The following BLOC1S5 variants were observed in gnomAD, a reference collection of about 807,000 sequenced individuals.
The protein encoded by BLOC1S5 is biogenesis of lysosome-related organelles complex 1 subunit 5.
In BLOC1S5, 27 loss-of-function variants were observed where a neutral mutation model predicts 24.3. The ratio of observed to expected loss-of-function variants is 1.11; its 90% CI spans 0.82 to 1.53. The LOEUF (loss-of-function observed/expected upper bound fraction) is 1.53. Ranked by LOEUF, BLOC1S5 falls within the 40% of genes most tolerant of loss-of-function variation. The pLI is 0.00. For synonymous variants in BLOC1S5, 84 were observed against 74.5 expected (o/e 1.13, Z -0.66); for missense variants, 239 against 229.4 (o/e 1.04, Z -0.27).
chr6:8,027,566 G>A lies in BLOC1S5; in HGVS notation c.326-1141C>T, dbSNP rs138978548. 3.1e-3 allele frequency among the ~76,000 whole-genome samples: 469 copies of A among 152,320 alleles called. 3 individuals are homozygous for A. The highest frequency in any genetic ancestry group is 9.6e-3 in the African/African-American group (401 of 41,578). ...ATAAGCAGTCAGGCCGGGCACGGTG[G>A]CTCACGCCTGTAATCCCAGCACTCT... On this transcript the variant is annotated intron_variant, in intron 3 of 4. Coordinates refer to ENST00000397457, the MANE Select transcript of BLOC1S5 (RefSeq NM_201280.3).
chr6:8,024,812 C>A (rs1254606599), intron 4 of BLOC1S5, among the ~76,000 whole-genome samples: 1 of 152,148 alleles, frequency 6.6e-6, no homozygotes, highest in Non-Finnish European at 1.5e-5. Flanking sequence ...TTTTATAATG[C>A]AATTTACCCA....
intron 2 of BLOC1S5, among the ~76,000 whole-genome samples, chr6:8,041,655 C>CTTTTTTTTTTTTTTTTTT (rs1554139177): frequency 8.9e-6 from 1 of 111,868 alleles, no homozygotes; most frequent in African/African-American, 3.2e-5. Flanking sequence ...TTCTTTCTTT[C>CTTTTTTTTTTTTTTTTTT]TTTTTTTTTG....
Position 8,063,022 on chromosome 6 carries a change from T to C in BLOC1S5, c.113-406A>G, listed in dbSNP as rs564180834. 1.1e-4 allele frequency among the ~76,000 whole-genome samples: 17 copies of C among 152,078 alleles called. No individual in the cohort carries two copies. The South Asian group carries it at 3.5e-3, about 32-fold the overall frequency. On this transcript the variant is annotated intron_variant, in intron 1 of 4. Coordinates refer to ENST00000397457, the MANE Select transcript of BLOC1S5 (RefSeq NM_201280.3). ...AATAAATACATCAGAGTTACACTTA[T>C]CAACATAAATATAAAAAATAATACG...
rs1191693254 is a variant in BLOC1S5 at position 8,013,657 on chromosome 6, T to C, written c.*1992A>G. 6.6e-6 allele frequency: 1 copy of C among 152,214 alleles called. No individual in the cohort carries two copies. Among genetic ancestry groups the C allele is most frequent in the Non-Finnish European group, 1.5e-5 (1 of 68,036 alleles). 9.4% of individuals were successfully genotyped at this position (152,214 alleles called of 1,614,324 possible). On this transcript the variant is annotated 3_prime_UTR_variant, in exon 5 of 5. Coordinates refer to ENST00000397457, the MANE Select transcript of BLOC1S5 (RefSeq NM_201280.3). Reference sequence around the variant, plus strand: ...TTGGGTAGCCACAGTTAAGAATATATTCCCTTCACACACACAATCTTAATT... The same window carrying C: ...TTGGGTAGCCACAGTTAAGAATATACTCCCTTCACACACACAATCTTAATT...
intron 4 of BLOC1S5, among the ~76,000 whole-genome samples, chr6:8,025,325 C>A (rs1323752445): frequency 6.6e-6 from 1 of 151,814 alleles, no homozygotes; most frequent in Non-Finnish European, 1.5e-5. Context: ...GGTCCACTTA[C>A]GTCCCCAGCC....
chr6:8,064,115 A>T (rs1398991077), intron 1 of BLOC1S5, 150 bp downstream of exon 1: 8 of 581,144 alleles, frequency 1.4e-5, no homozygotes, highest in Non-Finnish European at 2.3e-5. Context: ...GGCGCGGGGA[A>T]AAAGGCGGGG....
intron 3 of BLOC1S5, among the ~76,000 whole-genome samples, chr6:8,027,686 T>C (rs1318758877): frequency 1.3e-5 from 2 of 151,998 alleles, no homozygotes; most frequent in East Asian, 3.9e-4. Context: ...ATACAAAAAT[T>C]AGCTGGGAAT....
chr6:8,023,585 A>G lies in BLOC1S5; in HGVS notation c.384+2782T>C, dbSNP rs1371393341. ...ATCCTGGGTGACGGAGTGAGACTCC[A>G]TCTCAAAAAAAAAAAAGAATTAATG... On this transcript the variant is annotated intron_variant, in intron 4 of 4. Coordinates refer to ENST00000397457, the MANE Select transcript of BLOC1S5 (RefSeq NM_201280.3). Among the ~76,000 whole-genome samples the G allele has an allele frequency of 4.7e-5, 6 of 126,778 alleles. No individual in the cohort carries two copies. The East Asian group carries it at 2.1e-3, about 44-fold the overall frequency. 83.2% of individuals were successfully genotyped at this position (126,778 alleles called of 152,430 possible). A position where few individuals can be genotyped will look rare whatever the true frequency, so the allele number is the denominator to read the frequency against.
intron 3 of BLOC1S5, among the ~76,000 whole-genome samples, chr6:8,032,584 T>C (rs1171384703): frequency 6.6e-6 from 1 of 152,202 alleles, no homozygotes; most frequent in Non-Finnish European, 1.5e-5. Flanking sequence ...GGACGCCCTC[T>C]CTCACCACTC....
Position 8,013,637 on chromosome 6 carries a change from T to C in BLOC1S5, c.*2012A>G, listed in dbSNP as rs1762648323. On this transcript the variant is annotated 3_prime_UTR_variant, in exon 5 of 5. Coordinates refer to ENST00000397457, the MANE Select transcript of BLOC1S5 (RefSeq NM_201280.3). ...AGAAATCTTTGCTATACAAGTTGGG[T>C]AGCCACAGTTAAGAATATATTCCCT... 6.6e-6 allele frequency: 1 copy of C among 152,158 alleles called. No individual in the cohort carries two copies. Among genetic ancestry groups the C allele is most frequent in the South Asian group, 2.1e-4 (1 of 4,818 alleles). The allele number at this position is 152,158 out of a possible 1,614,324, so 9.4% of individuals were successfully genotyped here.
chr6:8,029,114 T>C (rs1477801565), intron 3 of BLOC1S5, among the ~76,000 whole-genome samples: 2 of 151,708 alleles, frequency 1.3e-5, no homozygotes, highest in Non-Finnish European at 2.9e-5. Context: ...TGTCTATAAG[T>C]AAACCTCAAA....
chr6:8,026,335 T>C, intron 4 of BLOC1S5, 32 bp downstream of exon 4: 1 of 1,517,838 alleles, frequency 6.6e-7, no homozygotes, highest in Non-Finnish European at 9.1e-7. Context: ...GATGCAAGAA[T>C]TATATGCCTC....
intron 3 of BLOC1S5, among the ~76,000 whole-genome samples, chr6:8,033,635 A>C (rs7763924): frequency 0.039 from 5,938 of 152,280 alleles, 365 homozygotes; most frequent in African/African-American, 0.13. Flanking sequence ...AATGGGATCT[A>C]ATTAAACTAA....
Position 8,062,572 on chromosome 6 carries a change from T to A in BLOC1S5, c.157A>T (p.Ile53Phe). 6.2e-7 allele frequency: 1 copy of A among 1,601,492 alleles called. No individual in the cohort carries two copies. Among genetic ancestry groups the A allele is most frequent in the Middle Eastern group, 1.7e-4 (1 of 6,008 alleles). ...ACAAAATAACGAGTTTCACCTTGAA[T>A]AACTGGTCTGTGATCCAAAAGCCTT... ...HSRLLDHRPV[I>F]QGETRYFVKE... Residue 53 changes from isoleucine to phenylalanine, a missense_variant, in exon 2 of 5, where the codon ATT (isoleucine) becomes TTT (phenylalanine). Physicochemically the swap from Ile to Phe is conservative, Grantham distance 21 (BLOSUM62 0). Transcript: ENST00000397457.
Position 8,064,296 on chromosome 6 carries a change from C to A in BLOC1S5, c.81G>T (p.Gly27=). The part of the protein sequence containing the change: ...GGGSKKRDSL[G]TAGSAHLIIK... ...TAATGAGGTGCGCTGAGCCCGCAGT[C>A]CCCAGGGAGTCCCTCTTCTTGCTGC... Residue 27 remains glycine (G), a synonymous_variant, in exon 1 of 5, where the codon GGG becomes GGT. Transcript: ENST00000397457. The A allele has an allele frequency of 1.2e-6, 2 of 1,613,790 alleles. No homozygotes were observed. Among genetic ancestry groups the A allele is most frequent in the Non-Finnish European group, 1.7e-6 (2 of 1,179,846 alleles).
chr6:8,026,881 T>C (rs1369688662), intron 3 of BLOC1S5, among the ~76,000 whole-genome samples: 1 of 152,228 alleles, frequency 6.6e-6, no homozygotes, highest in African/African-American at 2.4e-5. Context: ...ATTATTGTAA[T>C]TATTTATTAT....
intron 2 of BLOC1S5, among the ~76,000 whole-genome samples, chr6:8,054,621 T>C (rs1314043790): frequency 6.6e-6 from 1 of 152,226 alleles, no homozygotes; most frequent in African/African-American, 2.4e-5. Context: ...ATATATCTGT[T>C]AACAACTGCG....
At chr6:8,056,293 C>A (rs1313348928) in intron 2 of BLOC1S5, among the ~76,000 whole-genome samples, 1 of 152,194 alleles carries the variant, frequency 6.6e-6, no homozygotes, top group East Asian at 1.9e-4. Flanking sequence ...GCACTCAAGG[C>A]TCTCGCAAGT....
chr6:8,056,398 T>C (rs2113601085), intron 2 of BLOC1S5, among the ~76,000 whole-genome samples: 1 of 152,282 alleles, frequency 6.6e-6, no homozygotes, highest in South Asian at 2.1e-4. Context: ...GGGTACCCTG[T>C]TGCCTGGTTT....
Sources: gnomAD v4.1 joint callset for allele counts (sites outside exome capture counted in the v4.1 genomes callset) on GRCh38, gnomAD v4.1.1 for gene constraint, MANE v1.5 for transcripts, NCBI Gene and HGNC (gene_info 2026-07-23, HGNC 2026-07-21) for gene names.